FAM200B: variants seen among roughly 807,000 people sequenced by gnomAD.
FAM200B encodes protein FAM200B.
A neutral mutation model predicts 33.1 loss-of-function variants in FAM200B; 32 were observed. The observed-to-expected ratio is 0.97, with a 90% CI of 0.73 to 1.30. FAM200B has a LOEUF of 1.30. Among genes scored for constraint, FAM200B ranks in the 50% most tolerant of loss-of-function variants. The pLI, the probability that FAM200B is intolerant of heterozygous loss-of-function variation, is 0.00. For missense variants in FAM200B, 741 were observed against 754.0 expected (o/e 0.98, Z 0.20); for synonymous variants, 240 against 264.8 (o/e 0.91, Z 0.91).
chr4:15,656,220 G>T, the FAM200B span: 1 of 456,260 alleles, frequency 2.2e-6, no homozygotes, highest in Admixed American at 2.3e-5. Context: ...AGAAAACAAG[G>T]TCACTAACCC....
intron 1 of FAM200B, among the ~76,000 whole-genome samples, chr4:15,685,785 T>A (rs1577540443): frequency 1.3e-5 from 2 of 152,198 alleles, no homozygotes; most frequent in South Asian, 4.1e-4. Flanking sequence ...TCCCAAAAAA[T>A]TTGAGATAAT....
chr4:15,687,004 G>A lies in FAM200B; in HGVS notation c.27G>A (p.Lys9=), dbSNP rs953263194. The A allele has an allele frequency of 1.4e-6, 2 of 1,416,294 alleles. No homozygotes were observed. Among genetic ancestry groups the A allele is most frequent in the Non-Finnish European group, 1.9e-6 (2 of 1,067,906 alleles). 87.7% of individuals were successfully genotyped at this position (1,416,294 alleles called of 1,614,324 possible). The part of the protein sequence containing the change: MDHFFIKR[K]RNSEVKYTEA... ...TGGATCATTTCTTTATTAAAAGAAA[G>A]AGGAATAGTGAAGTGAAATATACAG... Residue 9 remains lysine (K), a synonymous_variant, in exon 2 of 2, where the codon AAG becomes AAA. Coordinates refer to ENST00000422728, the MANE Select transcript of FAM200B (RefSeq NM_001145191.2).
chr4:15,677,399 A>T (rs1718033139), upstream of FAM200B, among the ~76,000 whole-genome samples: 1 of 152,182 alleles, frequency 6.6e-6, no homozygotes, highest in Non-Finnish European at 1.5e-5. Flanking sequence ...TATGTTAATG[A>T]GGTGACTCAT....
At chr4:15,639,874 A>G in the FAM200B span, among the ~76,000 whole-genome samples, 1 of 152,226 alleles carries the variant, frequency 6.6e-6, no homozygotes, top group Non-Finnish European at 1.5e-5. Context: ...AATCACTACA[A>G]TAACTGATTT....
chr4:15,686,950 A>T lies in FAM200B; in HGVS notation c.-28A>T. On this transcript the variant is annotated 5_prime_UTR_variant, in exon 2 of 2. It removes the in-frame stop codon of an upstream open reading frame in the 5' UTR. Coordinates refer to ENST00000422728, the MANE Select transcript of FAM200B (RefSeq NM_001145191.2). ...GAGTTAGTGCCAATTATAACATTTTAATCAAACTGGAACAAATTGCTATTA... is the reference window on the plus strand; with the variant it reads ...GAGTTAGTGCCAATTATAACATTTTTATCAAACTGGAACAAATTGCTATTA... 1 of 1,185,042 alleles carries T rather than the reference A, an allele frequency of 8.4e-7. No homozygotes were observed. The highest frequency in any genetic ancestry group is 1.1e-6 in the Non-Finnish European group (1 of 882,052). 73.4% of individuals were successfully genotyped at this position (1,185,042 alleles called of 1,614,324 possible).
upstream of FAM200B, among the ~76,000 whole-genome samples, chr4:15,678,527 G>T (rs558674666): frequency 6.6e-6 from 1 of 152,112 alleles, no homozygotes; most frequent in Admixed American, 6.5e-5. Flanking sequence ...TCATGCATAG[G>T]TATACTAAAT....
rs1718920641 is a variant in FAM200B, at chr4:15,687,060, G to A, written c.83G>A (p.Gly28Glu). ...TGTTCAAGTTCATCTGTTGAATCTGGAATTGTGAATAGTGACAATATTGAG... is the reference window on the plus strand; with the variant it reads ...TGTTCAAGTTCATCTGTTGAATCTGAAATTGTGAATAGTGACAATATTGAG... ...EACSSSSVES[G>E]IVNSDNIEKN... Residue 28 changes from glycine (G) to glutamate (E), a missense_variant, in exon 2 of 2, where the codon GGA becomes GAA. By Grantham distance (98) the Gly-to-Glu change is moderately conservative (BLOSUM62 -2). Coordinates refer to ENST00000422728, the MANE Select transcript of FAM200B (RefSeq NM_001145191.2). 2.0e-6 allele frequency: 3 copies of A among 1,537,156 alleles called. No individual in the cohort carries two copies. The highest frequency in any genetic ancestry group is 2.6e-6 in the Non-Finnish European group (3 of 1,137,414).
Position 15,686,808 on chromosome 4 carries a change from T to C in FAM200B, c.-170T>C. On this transcript the variant is annotated 5_prime_UTR_variant, in exon 2 of 2. Coordinates refer to ENST00000422728, the MANE Select transcript of FAM200B (RefSeq NM_001145191.2). ...CGGTTAATGTTCTATAGTCAAGTTT[T>C]ATATTACAATTACTTGCAACTAGTT... 2 of 424,894 alleles carry C rather than the reference T, an allele frequency of 4.7e-6. No individual in the cohort carries two copies. Among genetic ancestry groups the C allele is most frequent in the Non-Finnish European group, 8.5e-6 (2 of 236,346 alleles). 26.3% of individuals were successfully genotyped at this position (424,894 alleles called of 1,614,324 possible).
the FAM200B span, chr4:15,638,665 A>G: frequency 6.2e-7 from 1 of 1,600,238 alleles, no homozygotes; most frequent in African/African-American, 1.3e-5. Context: ...CTTCATAGGT[A>G]AAATATTCCA....
Position 15,688,588 on chromosome 4 carries a change from A to G in FAM200B, c.1611A>G (p.Val537=). ...KFETLRENSW[V]KDPFAFRHPE... The stretch of plus-strand genomic sequence containing the variant: ...AAACATTAAGGGAAAACAGTTGGGT[A>G]AAAGATCCATTTGCTTTTCGACACC... The change falls in exon 2 of 2, where the codon GTA becomes GTG. Residue 537 remains valine, a synonymous_variant. Transcript: ENST00000422728. 1.3e-6 allele frequency: 2 copies of G among 1,551,108 alleles called. No homozygotes were observed. The highest frequency in any genetic ancestry group is 8.7e-7 in the Non-Finnish European group (1 of 1,146,590).
chr4:15,674,449 TCCC>T, the FAM200B span, among the ~76,000 whole-genome samples: 9 of 152,120 alleles, frequency 5.9e-5, no homozygotes, highest in African/African-American at 9.7e-5. Context: ...AAATAAAATG[TCCC>T]CCAATTTTTA....
chr4:15,640,805 T>C, the FAM200B span: 1 of 1,554,498 alleles, frequency 6.4e-7, no homozygotes, highest in South Asian at 1.2e-5. Flanking sequence ...TCCTCTTTCA[T>C]GTGAGGAAGA....
chr4:15,673,114 T>C, the FAM200B span, among the ~76,000 whole-genome samples: 2 of 152,082 alleles, frequency 1.3e-5, no homozygotes, highest in Non-Finnish European at 2.9e-5. Context: ...CGGTTAACTT[T>C]TGAAAATATA....
At chr4:15,657,253 G>C in the FAM200B span, among the ~76,000 whole-genome samples, 1 of 152,162 alleles carries the variant, frequency 6.6e-6, no homozygotes, top group South Asian at 2.1e-4. Context: ...GTTATATAGA[G>C]AAATGAGCTC....
Position 15,688,584 on chromosome 4 carries a change from G to C in FAM200B, c.1607G>C (p.Trp536Ser). ...TTTGAAACATTAAGGGAAAACAGTT[G>C]GGTAAAAGATCCATTTGCTTTTCGA... ...EKFETLRENS[W>S]VKDPFAFRHP... The change falls in exon 2 of 2, where the codon TGG (tryptophan) becomes TCG (serine). Residue 536 changes from tryptophan to serine, a missense_variant. Trp to Ser is a radical substitution (Grantham distance 177, BLOSUM62 -3). Coordinates refer to ENST00000422728, the MANE Select transcript of FAM200B (RefSeq NM_001145191.2). 6.4e-7 allele frequency: 1 copy of C among 1,550,932 alleles called. No individual in the cohort carries two copies. Among genetic ancestry groups the C allele is most frequent in the South Asian group, 1.2e-5 (1 of 83,932 alleles).
chr4:15,637,908 A>G, the FAM200B span, among the ~76,000 whole-genome samples: 3 of 151,974 alleles, frequency 2.0e-5, no homozygotes, highest in Non-Finnish European at 4.4e-5. Context: ...TTTTTAAAAA[A>G]AAAAAAAAAG....
chr4:15,680,083 TAAG>T (rs1047294540), upstream of FAM200B, among the ~76,000 whole-genome samples: 10 of 150,414 alleles, frequency 6.6e-5, no homozygotes, highest in African/African-American at 2.5e-4. Context: ...TGAATACTGA[TAAG>T]GAGGAATATC....
chr4:15,661,950 C>T, the FAM200B span, among the ~76,000 whole-genome samples: 1 of 152,204 alleles, frequency 6.6e-6, no homozygotes, highest in South Asian at 2.1e-4. Context: ...AGGTCCTCAC[C>T]ACATGGTACT....
At chr4:15,655,084 T>A in the FAM200B span, 2 of 716,714 alleles carry the variant, frequency 2.8e-6, no homozygotes, top group Admixed American at 5.2e-5. Flanking sequence ...CGCAGGCGGC[T>A]ACTCGCGCGG....
Sources: allele counts gnomAD v4.1 joint callset (sites outside exome capture counted in the v4.1 genomes callset), GRCh38; gene constraint gnomAD v4.1.1; transcripts MANE v1.5; gene names NCBI Gene and HGNC (gene_info 2026-07-23, HGNC 2026-07-21).